NXN: variants seen among roughly 807,000 people sequenced by gnomAD.
The protein encoded by NXN is nucleoredoxin 1.
In NXN, 16 loss-of-function variants were observed where a neutral mutation model predicts 48.6. The observed-to-expected ratio is 0.33, with a 90% confidence interval of 0.22 to 0.50. NXN has a LOEUF of 0.50. Among genes scored for constraint, NXN ranks in the 20% least tolerant of loss-of-function variants. The pLI, the probability that NXN is intolerant of heterozygous loss-of-function variation, is 0.98. For synonymous variants in NXN, 281 were observed against 269.6 expected, an observed-to-expected ratio of 1.04 and a Z score of -0.41; for missense variants, 492 against 605.5, an observed-to-expected ratio of 0.81 and a Z score of 1.97.
At chr17:841,589 C>A (rs189363459) in intron 1 of NXN, among the ~76,000 whole-genome samples, 3 of 105,432 alleles carry the variant, frequency 2.8e-5, no homozygotes, top group African/African-American at 1.2e-4. Flanking sequence ...CTCACGCCGG[C>A]GAGCAGGTCC....
In NXN at chr17:958,219, C is replaced by T. The variant is rs1309080119; in HGVS notation, c.360+21100G>A. On this transcript the variant is annotated intron_variant, in intron 1 of 7. Transcript: ENST00000336868. This position sits in a 1 kb window ranked among gnomAD's most constrained non-coding sequence, Gnocchi z 6.9. ...TCTTCTTTCCAGAAGGCTTTTCTTG[C>T]AGGAGGTGGCTGCCAGCTTGTCCCT... is the stretch of plus-strand genomic sequence containing the variant. 6.6e-6 allele frequency among the ~76,000 whole-genome samples: 1 copy of T among 152,198 alleles called. No individual in the cohort carries two copies. The highest frequency in any genetic ancestry group is 1.5e-5 in the Non-Finnish European group (1 of 68,042).
chr17:837,557 C>T (rs1030728397), intron 1 of NXN, among the ~76,000 whole-genome samples: 2 of 152,244 alleles, frequency 1.3e-5, no homozygotes, highest in African/African-American at 4.8e-5. Context: ...CAGTCCAGCT[C>T]AGCTACTTAA....
chr17:931,617 G>T (rs1464216147), intron 1 of NXN, among the ~76,000 whole-genome samples: 4 of 136,392 alleles, frequency 2.9e-5, no homozygotes, highest in African/African-American at 8.3e-5. Context: ...TGGGCGGATC[G>T]TGAGGTCAGG....
chr17:851,012 C>T (rs905302123), intron 1 of NXN, among the ~76,000 whole-genome samples: 19 of 152,244 alleles, frequency 1.2e-4, no homozygotes, highest in African/African-American at 4.1e-4. Flanking sequence ...AAACTTAAAA[C>T]TGCTGAGGCC....
chr17:934,143 T>C (rs553109009), intron 1 of NXN, among the ~76,000 whole-genome samples: 7 of 152,078 alleles, frequency 4.6e-5, no homozygotes, highest in Admixed American at 4.6e-4. Flanking sequence ...GGCTCACGTC[T>C]GTAATCCCAG....
Position 979,611 on chromosome 17 carries a change from A to G in NXN, c.68T>C (p.Val23Ala), listed in dbSNP as rs745786305. The G allele has an allele frequency of 6.8e-7, 1 of 1,464,062 alleles. No homozygotes were observed. Among genetic ancestry groups the G allele is most frequent in the Non-Finnish European group, 9.0e-7 (1 of 1,107,902 alleles). The allele number at this position is 1,464,062 out of a possible 1,614,324, so 90.7% of individuals were successfully genotyped here. ...LVTGGGEEVDVHSLGARGISL... is the reference protein window; with the variant it reads ...LVTGGGEEVDAHSLGARGISL... ...GATGCCGCGGGCGCCCAGCGAGTGC[A>G]CGTCCACCTCCTCGCCGCCGCCCGT... is the stretch of plus-strand genomic sequence containing the variant. Residue 23 changes from valine to alanine, a missense_variant, in exon 1 of 8, where the codon GTG becomes GCG. By Grantham distance (64) the Val-to-Ala change is moderately conservative (BLOSUM62 0). This residue lies in a region of NXN where 186 missense variants were observed against 199.1 expected (regional missense o/e 0.93). Coordinates refer to ENST00000336868, the MANE Select transcript of NXN (RefSeq NM_022463.5).
chr17:844,851 G>C (rs531709299), intron 1 of NXN, among the ~76,000 whole-genome samples: 22 of 152,130 alleles, frequency 1.4e-4, no homozygotes, highest in African/African-American at 5.3e-4. Context: ...CCAAAGTGCT[G>C]GGATTACAGG....
rs1365250567 is a variant in NXN, at chr17:811,961, T to A, written c.821-6714A>T. ...TTTTTTTTTTGAGACGGAGTCTCGC[T>A]CTGTCGCCCAGGCTGGAGTGCAGTG... On this transcript the variant is annotated intron_variant, in intron 5 of 7. Coordinates refer to ENST00000336868, the MANE Select transcript of NXN (RefSeq NM_022463.5). 3.6e-5 allele frequency among the ~76,000 whole-genome samples: 5 copies of A among 138,938 alleles called. 1 individual carries two copies. Among genetic ancestry groups the A allele is most frequent in the African/African-American group, 1.1e-4 (4 of 36,526 alleles). The allele number at this position is 138,938 out of a possible 152,430, so 91.1% of individuals were successfully genotyped here.
At chr17:817,145 T>C (rs900789554) in intron 5 of NXN, among the ~76,000 whole-genome samples, 1 of 152,040 alleles carries the variant, frequency 6.6e-6, no homozygotes, top group Non-Finnish European at 1.5e-5. Context: ...ATACTCCAAG[T>C]GTGGTCCATG....
At chr17:823,385 C>A (rs1034307571) in intron 3 of NXN, among the ~76,000 whole-genome samples, 1 of 149,218 alleles carries the variant, frequency 6.7e-6, no homozygotes, top group Admixed American at 6.7e-5. Context: ...GGTAACAGAG[C>A]GAGACTCTGG....
At chr17:803,211 C>T (rs918974170) in intron 7 of NXN, among the ~76,000 whole-genome samples, 4 of 152,194 alleles carry the variant, frequency 2.6e-5, no homozygotes, top group East Asian at 1.9e-4. Flanking sequence ...AGACGGGGAG[C>T]GGCAGCAATT....
At chr17:811,958 C>T (rs981661149) in intron 5 of NXN, among the ~76,000 whole-genome samples, 27 of 137,788 alleles carry the variant, frequency 2.0e-4, no homozygotes, top group East Asian at 8.5e-4. Context: ...GACGGAGTCT[C>T]GCTCTGTCGC....
chr17:865,950 T>C (rs2068091470), intron 1 of NXN, among the ~76,000 whole-genome samples: 1 of 151,556 alleles, frequency 6.6e-6, no homozygotes, highest in Non-Finnish European at 1.5e-5. Flanking sequence ...GGCATTGCAC[T>C]CCAGCCTGGG....
At chr17:951,793 C>A (rs996055222) in intron 1 of NXN, among the ~76,000 whole-genome samples, 1 of 152,140 alleles carries the variant, frequency 6.6e-6, no homozygotes, top group African/African-American at 2.4e-5. Context: ...CCTGGGGTCC[C>A]GTGGGTATTT....
chr17:917,377 G>A lies in NXN; in HGVS notation c.360+61942C>T, dbSNP rs574087043. On this transcript the variant is annotated intron_variant, in intron 1 of 7. Transcript: ENST00000336868. The surrounding 1 kb of genome is among the most constrained non-coding windows in gnomAD (Gnocchi z 4.5). ...AGGCTGGTCTCAATCTCTTGACCTC[G>A]TGATCCGCCTGCCTTGGCCTCTGAA... is the stretch of plus-strand genomic sequence containing the variant. Among the ~76,000 whole-genome samples, 18 of 152,322 alleles carry A rather than the reference G, an allele frequency of 1.2e-4. No homozygotes were observed. The highest frequency in any genetic ancestry group is 1.9e-4 in the African/African-American group (8 of 41,584).
At chr17:949,895 C>T (rs1307791759) in intron 1 of NXN, among the ~76,000 whole-genome samples, 1 of 151,596 alleles carries the variant, frequency 6.6e-6, no homozygotes, top group Non-Finnish European at 1.5e-5. Flanking sequence ...TCTGCCTGGG[C>T]ACCTTCTGGT....
At position 979,763 on chromosome 17, in the gene NXN, G is replaced by C. The variant is rs1477519406; in HGVS notation, c.-85C>G. 3 of 1,148,434 alleles carry C rather than the reference G, an allele frequency of 2.6e-6. No individual in the cohort carries two copies. Among genetic ancestry groups the C allele is most frequent in the East Asian group, 7.1e-5 (2 of 27,982 alleles). The allele number at this position is 1,148,434 out of a possible 1,614,324, so 71.1% of individuals were successfully genotyped here. On this transcript the variant is annotated 5_prime_UTR_variant, in exon 1 of 8. Transcript: ENST00000336868. Reference sequence around the variant, plus strand: ...GAGGAGGCGGCGGCGTCGGCGGCAGGCGCTGGGGAGAGCAGAGCCCGGCCC... The same window carrying C: ...GAGGAGGCGGCGGCGTCGGCGGCAGCCGCTGGGGAGAGCAGAGCCCGGCCC...
intron 1 of NXN, among the ~76,000 whole-genome samples, chr17:874,152 G>A (rs966120799): frequency 6.6e-6 from 1 of 152,250 alleles, no homozygotes; most frequent in South Asian, 2.1e-4. Flanking sequence ...TAAGGGACTC[G>A]TCCCCCTTCT....
At chr17:940,237 A>ATTTT (rs56917679) in intron 1 of NXN, among the ~76,000 whole-genome samples, 2 of 141,244 alleles carry the variant, frequency 1.4e-5, no homozygotes, top group African/African-American at 5.1e-5. Flanking sequence ...CCTGGCCTCA[A>ATTTT]TTTTTTTTTT....
Sources: allele counts gnomAD v4.1 joint callset (sites outside exome capture counted in the v4.1 genomes callset), GRCh38; gene constraint gnomAD v4.1.1; regional missense constraint gnomAD v4.1.1; non-coding constraint Gnocchi (gnomAD v3.1); transcripts MANE v1.5; gene names NCBI Gene and HGNC (gene_info 2026-07-23, HGNC 2026-07-21).